Variants in AOPEP observed in about 807,000 individuals in gnomAD.
AOPEP encodes aminopeptidase O (putative).
In AOPEP, 77 loss-of-function variants were observed where a neutral mutation model predicts 98.1. That is an observed-to-expected ratio of 0.78 (90% CI 0.65 to 0.95). AOPEP has a LOEUF of 0.95. Among genes scored for constraint, AOPEP ranks in the 40% least tolerant of loss-of-function variants. The pLI is 0.00. For synonymous variants in AOPEP, 346 were observed against 365.3 expected (o/e 0.95, Z 0.60); for missense variants, 1,024 against 1,024.7 (o/e 1.00, Z 0.01).
At chr9:95,113,313 T>C in the AOPEP span, among the ~76,000 whole-genome samples, 6 of 152,306 alleles carry the variant, frequency 3.9e-5, no homozygotes, top group South Asian at 1.0e-3. Flanking sequence ...CTACAGAGAA[T>C]TCCAGGAGTG....
the AOPEP span, chr9:95,117,483 AC>A: frequency 1.1e-6 from 1 of 907,836 alleles, no homozygotes; most frequent in Non-Finnish European, 1.8e-6. Context: ...CCCAAAAAAG[AC>A]CCACCAGTAC....
intron 3 of AOPEP, among the ~76,000 whole-genome samples, chr9:94,775,339 G>A (rs181279721): frequency 3.3e-4 from 49 of 150,064 alleles, no homozygotes; most frequent in African/African-American, 1.0e-3. Flanking sequence ...CTAGATTAAC[G>A]TATGTACTGA....
At chr9:94,900,675 A>G (rs2050273229) in intron 5 of AOPEP, 1 of 152,220 alleles carries the variant, frequency 6.6e-6, no homozygotes, top group African/African-American at 2.4e-5. Context: ...GATATGAATA[A>G]TTCTTTGAAA....
At chr9:94,958,350 T>C (rs2058607554) in intron 9 of AOPEP, among the ~76,000 whole-genome samples, 1 of 152,226 alleles carries the variant, frequency 6.6e-6, no homozygotes, top group East Asian at 1.9e-4. Flanking sequence ...GCTGTGACCA[T>C]TAGTGAATAA....
chr9:95,096,090 C>G, the AOPEP span, among the ~76,000 whole-genome samples: 1 of 152,168 alleles, frequency 6.6e-6, no homozygotes, highest in Non-Finnish European at 1.5e-5. Flanking sequence ...TCAGAACACA[C>G]AGATCCCAGA....
At chr9:95,123,849 C>G in the AOPEP span, 1 of 629,784 alleles carries the variant, frequency 1.6e-6, no homozygotes, top group South Asian at 1.4e-5. Flanking sequence ...GCCCCACAAC[C>G]CCCACCAAAG....
At chr9:94,989,095 TTTTGTTTG>T (rs111617572) in intron 11 of AOPEP, among the ~76,000 whole-genome samples, 3 of 151,482 alleles carry the variant, frequency 2.0e-5, no homozygotes, top group Admixed American at 2.0e-4. Flanking sequence ...TTTTTTTATT[TTTTGTTTG>T]TTTGTTTGTT....
At position 94,743,471 on chromosome 9, in the gene AOPEP, T is replaced by A. The variant is rs898563688; in HGVS notation, c.-135-16178T>A. Among the ~76,000 whole-genome samples the A allele has an allele frequency of 8.5e-5, 13 of 152,196 alleles. No homozygotes were observed. The South Asian group carries it at 2.7e-3, about 31-fold the overall frequency. ...CCAGATTTCAACAGTTTAAGAAATA[T>A]GCAGTCACAAAATAGAAAAGGTTAT... On this transcript the variant is annotated intron_variant, in intron 1 of 16. Coordinates refer to ENST00000375315, the MANE Select transcript of AOPEP (RefSeq NM_001193329.3).
At chr9:94,933,744 A>AT (rs1047553038) in intron 7 of AOPEP, 58 of 821,576 alleles carry the variant, frequency 7.1e-5, no homozygotes, top group Admixed American at 1.3e-4. Context: ...ATTTTTATTT[A>AT]TTTTTTTTAA....
chr9:94,887,512 GT>G (rs2048374068), intron 5 of AOPEP, among the ~76,000 whole-genome samples: 1 of 152,174 alleles, frequency 6.6e-6, no homozygotes, highest in African/African-American at 2.4e-5. Context: ...TCTGATGCCT[GT>G]AAGATGGGGC....
At chr9:95,032,536 T>C (rs1177177261) in intron 13 of AOPEP, among the ~76,000 whole-genome samples, 1 of 152,244 alleles carries the variant, frequency 6.6e-6, no homozygotes, top group Non-Finnish European at 1.5e-5. Context: ...AAGGTGGCGA[T>C]GTGCACTACC....
chr9:94,905,153 G>C, intron 5 of AOPEP, among the ~76,000 whole-genome samples: 1 of 152,194 alleles, frequency 6.6e-6, no homozygotes, highest in East Asian at 1.9e-4. Flanking sequence ...GGGATGGCTT[G>C]TGTAGCTGCA....
At chr9:94,836,755 T>C (rs1023723095) in intron 5 of AOPEP, among the ~76,000 whole-genome samples, 1 of 152,190 alleles carries the variant, frequency 6.6e-6, no homozygotes, top group Non-Finnish European at 1.5e-5. Flanking sequence ...TTTGGTGTTA[T>C]GGGTAGGAAT....
rs989450826 is a variant in AOPEP, at chr9:94,962,365, G to A, written c.1873-5393G>A. On this transcript the variant is annotated intron_variant, in intron 9 of 16. Coordinates refer to ENST00000375315, the MANE Select transcript of AOPEP (RefSeq NM_001193329.3). ...AAGATATTCCTATTTTTTCCCAAAT[G>A]TGTGGATATTTGTGAGAATTTGCCG... Among the ~76,000 whole-genome samples, 3 of 152,150 alleles carry A rather than the reference G, an allele frequency of 2.0e-5. No individual in the cohort carries two copies. The East Asian group carries it at 5.8e-4, about 29-fold the overall frequency.
At chr9:94,931,204 C>T (rs1445278932) in intron 7 of AOPEP, among the ~76,000 whole-genome samples, 2 of 152,100 alleles carry the variant, frequency 1.3e-5, no homozygotes, top group African/African-American at 2.4e-5. Context: ...GTCAACCAAG[C>T]TTCTGATGGC....
chr9:94,842,946 C>G (rs1393460605), intron 5 of AOPEP, among the ~76,000 whole-genome samples: 1 of 151,918 alleles, frequency 6.6e-6, no homozygotes, highest in East Asian at 1.9e-4. Context: ...GTCTTTAGTT[C>G]TCAGTATTTA....
intron 11 of AOPEP, among the ~76,000 whole-genome samples, chr9:94,989,543 T>C (rs2060751753): frequency 7.0e-6 from 1 of 143,370 alleles, no homozygotes; most frequent in South Asian, 2.3e-4. Context: ...CCAAGAAGCT[T>C]CTTTTCTAAG....
At chr9:94,952,456 T>G (rs753199122) in intron 7 of AOPEP, among the ~76,000 whole-genome samples, 3 of 152,224 alleles carry the variant, frequency 2.0e-5, no homozygotes, top group Non-Finnish European at 4.4e-5. Context: ...TGACCATTAT[T>G]CTGATCTCTA....
At chr9:95,102,404 G>A in the AOPEP span, among the ~76,000 whole-genome samples, 557 of 152,286 alleles carry the variant, frequency 3.7e-3, 15 homozygotes, top group East Asian at 0.05. Flanking sequence ...CAAGGCATTC[G>A]TACTTGTTGG....
Sources: gnomAD v4.1 joint callset for allele counts (sites outside exome capture counted in the v4.1 genomes callset) on GRCh38, gnomAD v4.1.1 for gene constraint, MANE v1.5 for transcripts, NCBI Gene and HGNC (gene_info 2026-07-23, HGNC 2026-07-21) for gene names.